CROCC2: variants seen among roughly 807,000 people sequenced by gnomAD.
CROCC2 encodes ciliary rootlet coiled-coil protein 2.
CROCC2 carries 163 observed loss-of-function variants against 177.6 expected under a neutral mutation model. The ratio of observed to expected loss-of-function variants is 0.92; its 90% CI spans 0.81 to 1.05. The LOEUF (loss-of-function observed/expected upper bound fraction) is 1.05, where lower values mean the gene tolerates loss of function less well. Ranked by LOEUF, CROCC2 falls within the 50% of genes least tolerant of loss-of-function variation. The probability of loss-of-function intolerance (pLI) is 0.00; values close to 1 mark genes in which losing one functional copy is unlikely to be tolerated. For synonymous variants in CROCC2, 904 were observed against 787.3 expected (o/e 1.15, Z -2.48); for missense variants, 1,929 against 1,797.8 (o/e 1.07, Z -1.32).
chr2:240,930,496 G>T (rs1278645180), intron 6 of CROCC2, among the ~76,000 whole-genome samples: 1 of 152,144 alleles, frequency 6.6e-6, no homozygotes, highest in African/African-American at 2.4e-5. Context: ...GGCCAGGGAG[G>T]TAGGTTGGGG....
chr2:240,946,497 A>G (rs549215783), intron 15 of CROCC2, among the ~76,000 whole-genome samples: 1 of 152,240 alleles, frequency 6.6e-6, no homozygotes, highest in Non-Finnish European at 1.5e-5. Flanking sequence ...GCAAGTGCAG[A>G]AACACAGCTC....
At chr2:240,928,407 A>C (rs1243986195) in intron 5 of CROCC2, among the ~76,000 whole-genome samples, 2 of 134,912 alleles carry the variant, frequency 1.5e-5, no homozygotes, top group Non-Finnish European at 3.1e-5. Context: ...TTGCAGGGTC[A>C]TGTGTGCCTG....
intron 28 of CROCC2, among the ~76,000 whole-genome samples, chr2:240,987,425 A>G (rs2059847911): frequency 6.6e-6 from 1 of 152,184 alleles, no homozygotes; most frequent in African/African-American, 2.4e-5. Flanking sequence ...CACTTCCAGG[A>G]GTGTAACTGG....
chr2:240,987,060 CA>C lies in CROCC2; in HGVS notation c.4552-1677del, dbSNP rs564340881. 4.2e-4 allele frequency among the ~76,000 whole-genome samples: 64 copies of C among 152,370 alleles called. 1 individual carries two copies. The South Asian group carries it at 0.013, about 32-fold the overall frequency. On this transcript the variant is annotated intron_variant, in intron 28 of 31. Coordinates refer to ENST00000690015, the MANE Select transcript of CROCC2 (RefSeq NM_001351305.2). ...ACCTGCCCTCCAGAGTAGGGCCAGC[CA>C]ATGGGGTCCAGTCACCAGCCCCTGC... is the stretch of plus-strand genomic sequence containing the variant.
Position 240,983,238 on chromosome 2 carries a change from C to A in CROCC2, c.4551+209C>A, listed in dbSNP as rs2059813836. On this transcript the variant is annotated intron_variant, in intron 28 of 31. Transcript: ENST00000690015. The stretch of plus-strand genomic sequence containing the variant: ...ATGGGGAAACTGAGCCTGGAGGGGC[C>A]CACAGGGAGTCAGGGGGCTGGATTT... 5 of 882,188 alleles carry A rather than the reference C, an allele frequency of 5.7e-6. No homozygotes were observed. The South Asian group carries it at 7.2e-5, about 13-fold the overall frequency. 54.6% of individuals were successfully genotyped at this position (882,188 alleles called of 1,614,324 possible). A position where few individuals can be genotyped will look rare whatever the true frequency, so the allele number is the denominator to read the frequency against.
At chr2:240,991,162 G>T (rs1057318437) in intron 30 of CROCC2, 34 bp from the exon 31 acceptor site, 1 of 1,495,220 alleles carries the variant, frequency 6.7e-7, no homozygotes, top group Non-Finnish European at 9.0e-7. Context: ...CGTGCAGCCT[G>T]CCCACCTGAC....
intron 4 of CROCC2, 73 bp from the exon 5 acceptor site, chr2:240,925,651 A>T (rs1013362776): frequency 3.1e-6 from 2 of 635,544 alleles, no homozygotes; most frequent in Admixed American, 2.7e-5. Flanking sequence ...AAGCCCCTTG[A>T]CTTGGGGACT....
intron 18 of CROCC2, 63 bp from the exon 19 acceptor site, chr2:240,955,796 G>T: frequency 8.7e-7 from 1 of 1,155,700 alleles, no homozygotes. Flanking sequence ...CTCCTTAGAG[G>T]GGGGCCTCTT....
chr2:240,933,116 AC>A lies in CROCC2; in HGVS notation c.1252-11del, dbSNP rs1281452102. 1.3e-6 allele frequency: 2 copies of A among 1,549,648 alleles called. No homozygotes were observed. Among genetic ancestry groups the A allele is most frequent in the East Asian group, 2.4e-5 (1 of 40,884 alleles). Reference sequence around the variant, plus strand: ...CCTAGGCCAGAGAGGCCCACAACTTACCCCACCCGAGCAGGAGCTGTGCCTG... The same window carrying A: ...CCTAGGCCAGAGAGGCCCACAACTTACCCACCCGAGCAGGAGCTGTGCCTG... On this transcript the variant is annotated splice_polypyrimidine_tract_variant and intron_variant, in intron 9 of 31. Transcript: ENST00000690015.
In CROCC2 at chr2:240,983,022, T is replaced by C. The variant is rs1227188416; in HGVS notation, c.4544T>C (p.Leu1515Pro). Reference protein sequence around the residue: ...CQKAEVSLEPLRQMEQETLKR... With the variant: ...CQKAEVSLEPPRQMEQETLKR... ...AAGGCTGAGGTATCGCTGGAGCCCC[T>C]GCGACAGGTGAGGGTGACCAGGAGG... Residue 1515 changes from leucine (L) to proline (P), a missense_variant, in exon 28 of 32, where the codon CTG becomes CCG. Physicochemically the swap from Leu to Pro is moderately conservative, Grantham distance 98 (BLOSUM62 -3). This residue lies in a region of CROCC2 where 388 missense variants were observed against 352.7 expected (regional missense o/e 1.10). Transcript: ENST00000690015. 2 of 1,549,984 alleles carry C rather than the reference T, an allele frequency of 1.3e-6. No homozygotes were observed. Among genetic ancestry groups the C allele is most frequent in the South Asian group, 1.2e-5 (1 of 83,968 alleles).
rs1284371234 is a variant in CROCC2, at chr2:240,965,500, C to T, written c.3585C>T (p.His1195=). 2 of 1,550,058 alleles carry T rather than the reference C, an allele frequency of 1.3e-6. No individual in the cohort carries two copies. The highest frequency in any genetic ancestry group is 1.7e-6 in the Non-Finnish European group (2 of 1,146,974). ...AGGCAGCCAAGGCAGAGGCCAAGCA[C>T]GAGGGTGCCCGGAAGGAGGTGGGAG... ...RRQAAKAEAK[H]EGARKEVLGL... Residue 1195 remains histidine (H), a synonymous_variant, in exon 23 of 32, where the codon CAC becomes CAT. Transcript: ENST00000690015.
At chr2:240,988,344 C>T (rs1269236698) in intron 28 of CROCC2, among the ~76,000 whole-genome samples, 1 of 152,210 alleles carries the variant, frequency 6.6e-6, no homozygotes, top group African/African-American at 2.4e-5. Context: ...TGAGTGCCAA[C>T]AGCAGAAGGC....
In CROCC2 at chr2:240,953,514, G is replaced by A. The variant is rs1481195558; in HGVS notation, c.2830-2345G>A. Among the ~76,000 whole-genome samples, 1 of 152,108 alleles carries A rather than the reference G, an allele frequency of 6.6e-6. No homozygotes were observed. Among genetic ancestry groups the A allele is most frequent in the African/African-American group, 2.4e-5 (1 of 41,434 alleles). The stretch of plus-strand genomic sequence containing the variant: ...GGACCCACAGCAGAACCACAATAAG[G>A]GGCACCCCAGGGGCACAGCACAGAC... On this transcript the variant is annotated intron_variant, in intron 18 of 31. Coordinates refer to ENST00000690015, the MANE Select transcript of CROCC2 (RefSeq NM_001351305.2). The surrounding 1 kb of genome is among the most constrained non-coding windows in gnomAD (Gnocchi z 4.0).
chr2:240,922,041 A>C (rs74000120), intron 3 of CROCC2, among the ~76,000 whole-genome samples: 15,489 of 152,130 alleles, frequency 0.1, 1,543 homozygotes, highest in East Asian at 0.39. Flanking sequence ...ACCACACTCA[A>C]TCTCCAGGGG....
At chr2:240,922,135 C>T (rs74000122) in intron 3 of CROCC2, among the ~76,000 whole-genome samples, 4,714 of 152,308 alleles carry the variant, frequency 0.031, 231 homozygotes, top group African/African-American at 0.11. Flanking sequence ...CCTACACTGA[C>T]GGCTGGGCTG....
At chr2:240,956,629 CA>C (rs1220077328) in intron 19 of CROCC2, among the ~76,000 whole-genome samples, 1 of 152,206 alleles carries the variant, frequency 6.6e-6, no homozygotes, top group Non-Finnish European at 1.5e-5. Context: ...AGCCCAAGTC[CA>C]GGGGGCTGGA....
chr2:240,941,942 C>T (rs1358174636), intron 14 of CROCC2, among the ~76,000 whole-genome samples: 1 of 152,072 alleles, frequency 6.6e-6, no homozygotes, highest in Non-Finnish European at 1.5e-5. Flanking sequence ...TCTCACTTTC[C>T]CTTATGCCTT....
Position 240,911,130 on chromosome 2 carries a change from C to CA in CROCC2, c.78+4547dup, listed in dbSNP as rs547949509. On this transcript the variant is annotated intron_variant, in intron 1 of 31. Transcript: ENST00000690015. ...TGGGAGACAGAGCGAGACCCTGTCT[C>CA]AAAAAAAATAAAATAAATTTTTAAA... Among the ~76,000 whole-genome samples, 652 of 151,168 alleles carry CA rather than the reference C, an allele frequency of 4.3e-3. 6 individuals are homozygous for CA. The highest frequency in any genetic ancestry group is 0.015 in the African/African-American group (613 of 41,222).
intron 20 of CROCC2, among the ~76,000 whole-genome samples, chr2:240,961,164 AC>A (rs2059630340): frequency 6.6e-6 from 1 of 152,170 alleles, no homozygotes; most frequent in South Asian, 2.1e-4. Flanking sequence ...GGAAACCATA[AC>A]TTTTTCACAA....
Sources: gnomAD v4.1 joint callset for allele counts (sites outside exome capture counted in the v4.1 genomes callset) on GRCh38, gnomAD v4.1.1 for gene constraint, gnomAD v4.1.1 regional missense constraint, Gnocchi (gnomAD v3.1) non-coding constraint, MANE v1.5 for transcripts, NCBI Gene and HGNC (gene_info 2026-07-23, HGNC 2026-07-21) for gene names.